The following NOP53 variants were observed in gnomAD, a reference collection of about 807,000 sequenced individuals.
NOP53 encodes the protein NOP53 ribosome biogenesis factor.
Under a neutral mutation model 61.0 loss-of-function variants are expected in NOP53, and 40 were observed. That is an observed-to-expected ratio of 0.66 (90% CI 0.51 to 0.85). The LOEUF is 0.85. NOP53 is among the 40% of genes least tolerant of loss of function. The pLI is 0.00. For synonymous variants in NOP53, 308 were observed against 289.5 expected (o/e 1.06, Z -0.65); for missense variants, 689 against 652.9 (o/e 1.06, Z -0.60).
intron 10 of NOP53, 63 bp downstream of exon 10, chr19:47,755,885 G>C (rs1445164519): frequency 7.1e-7 from 1 of 1,405,420 alleles, no homozygotes; most frequent in South Asian, 1.2e-5. Context: ...TGCTCCCCGT[G>C]CCCCCCAGGG....
chr19:47,754,839 C>T lies in NOP53; in HGVS notation c.1001C>T (p.Thr334Ile), dbSNP rs1416331078. 1.3e-6 allele frequency: 2 copies of T among 1,542,908 alleles called. No individual in the cohort carries two copies. Among genetic ancestry groups the T allele is most frequent in the South Asian group, 1.2e-5 (1 of 82,666 alleles). The part of the protein sequence containing the change: ...VCPTPARLAT[T>I]EKKTEQQRRR... ...CCCACGCCCGCCCGCCTGGCCACCACAGAGAAGAAGACGGAGCAGCAGCGG... is the reference window on the plus strand; with the variant it reads ...CCCACGCCCGCCCGCCTGGCCACCATAGAGAAGAAGACGGAGCAGCAGCGG... Residue 334 changes from threonine (T) to isoleucine (I), a missense_variant, in exon 8 of 13, where the codon ACA (threonine) becomes ATA (isoleucine). By Grantham distance (89) the Thr-to-Ile change is moderately conservative. Coordinates refer to ENST00000246802, the MANE Select transcript of NOP53 (RefSeq NM_015710.5). This position sits in a 1 kb window ranked among gnomAD's most constrained non-coding sequence, Gnocchi z 4.2.
At chr19:47,756,807 AG>A in intron 12 of NOP53, 63 bp downstream of exon 12, 1 of 1,569,484 alleles carries the variant, frequency 6.4e-7, no homozygotes, top group Non-Finnish European at 8.8e-7. Flanking sequence ...GTGCCCACCG[AG>A]TCCCAGGGCC....
At position 47,751,536 on chromosome 19, in the gene NOP53, G is replaced by C; in HGVS notation, c.615G>C (p.Pro205=). ...TATCCACAGACCCCCTGGACAGGCC[G>C]TTGGTTGGCCAGGATGAGTTTTTCC... The part of the protein sequence containing the change: ...LWASDNPLDR[P]LVGQDEFFLE... The change falls in exon 5 of 13, where the codon CCG becomes CCC. Residue 205 remains proline, a synonymous_variant. Transcript: ENST00000246802. The C allele has an allele frequency of 1.9e-6, 3 of 1,613,870 alleles. No homozygotes were observed. Among genetic ancestry groups the C allele is most frequent in the Non-Finnish European group, 2.5e-6 (3 of 1,179,862 alleles).
At chr19:47,748,467 G>GC in intron 2 of NOP53, among the ~76,000 whole-genome samples, 1 of 152,254 alleles carries the variant, frequency 6.6e-6, no homozygotes, top group East Asian at 1.9e-4. Context: ...GCTTTAATGA[G>GC]CAAGAGAGTG....
intron 2 of NOP53, among the ~76,000 whole-genome samples, chr19:47,747,777 CTCTTTTTT>C (rs1298897822): frequency 2.5e-5 from 3 of 120,518 alleles, no homozygotes; most frequent in Non-Finnish European, 4.9e-5. Context: ...TTTTCTCTCT[CTCTTTTTT>C]TTTTTTTTTT....
chr19:47,751,453 G>A (rs58520435), intron 4 of NOP53, 67 bp from the exon 5 acceptor site: 18 of 1,229,554 alleles, frequency 1.5e-5, no homozygotes, highest in Admixed American at 5.2e-5. Context: ...GGAGGGATTG[G>A]GGGGGAGCCT....
rs780879331 is a variant in NOP53 at position 47,757,028 on chromosome 19, C to T, written c.*23C>T. 3.3e-5 allele frequency: 54 copies of T among 1,612,834 alleles called. No individual in the cohort carries two copies. The highest frequency in any genetic ancestry group is 8.3e-5 in the Admixed American group (5 of 59,902). On this transcript the variant is annotated 3_prime_UTR_variant, in exon 13 of 13. Transcript: ENST00000246802. ...TAGCTGCCATCAGATGCCGGAGACT[C>T]GCCCTTCAATAAAAAATCTCTTCTA... is the stretch of plus-strand genomic sequence containing the variant.
intron 10 of NOP53, chr19:47,756,317 C>T (rs1967197292): frequency 1.7e-6 from 1 of 592,902 alleles, no homozygotes; most frequent in Non-Finnish European, 3.0e-6. Context: ...TCCCGTGACT[C>T]CTCTAAGCCC....
chr19:47,753,097 G>A, intron 6 of NOP53: 1 of 158,708 alleles, frequency 6.3e-6, no homozygotes. Flanking sequence ...TGGAGCCACT[G>A]TGCATTTAGC....
intron 4 of NOP53, 92 bp downstream of exon 4, chr19:47,751,199 G>A: frequency 1.6e-6 from 2 of 1,241,022 alleles, no homozygotes; most frequent in Non-Finnish European, 2.3e-6. Context: ...CAGTGTGAAA[G>A]GGAGTGCTTT....
Position 47,747,038 on chromosome 19 carries a change from A to C in NOP53, c.289+7A>C. The C allele has an allele frequency of 6.2e-7, 1 of 1,612,064 alleles. No homozygotes were observed. The highest frequency in any genetic ancestry group is 1.1e-5 in the South Asian group (1 of 91,026). On this transcript the variant is annotated splice_region_variant and intron_variant, in intron 2 of 12. Transcript: ENST00000246802. Reference sequence around the variant, plus strand: ...ACTGGCTCCAAGGAAAAAGGTGAGGAGAGGCTTTTGTGGTGTGGAATGGCG... The same window carrying C: ...ACTGGCTCCAAGGAAAAAGGTGAGGCGAGGCTTTTGTGGTGTGGAATGGCG...
At position 47,755,840 on chromosome 19, in the gene NOP53, C is replaced by T; in HGVS notation, c.1296+18C>T. On this transcript the variant is annotated intron_variant, in intron 10 of 12. Coordinates refer to ENST00000246802, the MANE Select transcript of NOP53 (RefSeq NM_015710.5). Reference sequence around the variant, plus strand: ...CCCTGAAGGTGCTCACTGTGTCCTGCCGTGGAGCCCCGTGCCCAGTGATGA... The same window carrying T: ...CCCTGAAGGTGCTCACTGTGTCCTGTCGTGGAGCCCCGTGCCCAGTGATGA... 1.3e-6 allele frequency: 2 copies of T among 1,585,390 alleles called. No individual in the cohort carries two copies. Among genetic ancestry groups the T allele is most frequent in the Non-Finnish European group, 8.6e-7 (1 of 1,158,952 alleles).
chr19:47,746,763 A>G, intron 1 of NOP53: 2 of 467,336 alleles, frequency 4.3e-6, no homozygotes, highest in South Asian at 5.3e-5. Context: ...TGGGCCTCCC[A>G]AAGTGCTGGG....
chr19:47,755,556 TG>T (rs1599921344), intron 9 of NOP53, 33 bp downstream of exon 9: 2 of 1,459,704 alleles, frequency 1.4e-6, no homozygotes, highest in East Asian at 2.5e-5. Context: ...TGGGAGAGGC[TG>T]GGGAGGGGGC....
In NOP53 at chr19:47,753,603, G is replaced by A. The variant is rs1967150509; in HGVS notation, c.766-924G>A. 2.0e-5 allele frequency: 3 copies of A among 152,284 alleles called. No individual in the cohort carries two copies. The South Asian group carries it at 6.2e-4, about 32-fold the overall frequency. The allele number at this position is 152,284 out of a possible 1,614,324, so 9.4% of individuals were successfully genotyped here. A position where few individuals can be genotyped will look rare whatever the true frequency, so the allele number is the denominator to read the frequency against. ...AGGAACAGAGGCAGCTTCCTCATCT[G>A]GTAGAGAAAAGTGTCTGCGGAAAAA... On this transcript the variant is annotated intron_variant, in intron 6 of 12. Transcript: ENST00000246802.
At chr19:47,752,708 AGCCCTGG>A (rs1359716586) in intron 6 of NOP53, 101 bp downstream of exon 6, 4 of 771,360 alleles carry the variant, frequency 5.2e-6, no homozygotes, top group Middle Eastern at 2.3e-4. Flanking sequence ...TGACCCAGAC[AGCCCTGG>A]GCCTGTCCGC....
rs1162747523 is a variant in NOP53, at chr19:47,746,935, T to G, written c.225-32T>G. ...TTAAATCTCTTTCCTCTCCAACATC[T>G]CTGGCTGATGTTCTGCATTTCTGTC... On this transcript the variant is annotated intron_variant, in intron 1 of 12. Transcript: ENST00000246802. 1.9e-6 allele frequency: 3 copies of G among 1,584,710 alleles called. No individual in the cohort carries two copies. The South Asian group carries it at 3.3e-5, about 18-fold the overall frequency.
chr19:47,755,947 C>A, intron 10 of NOP53, 125 bp downstream of exon 10: 1 of 736,926 alleles, frequency 1.4e-6, no homozygotes, highest in Non-Finnish European at 2.3e-6. Flanking sequence ...GGGCCAATGC[C>A]CAGGGGCTGA....
Position 47,754,426 on chromosome 19 carries a change from G to A in NOP53, c.766-101G>A. On this transcript the variant is annotated intron_variant, in intron 6 of 12. Coordinates refer to ENST00000246802, the MANE Select transcript of NOP53 (RefSeq NM_015710.5). The surrounding 1 kb of genome is among the most constrained non-coding windows in gnomAD (Gnocchi z 4.2). ...GGGGAGGAAAGCCTGGGCCGGGGCG[G>A]GATCCACGGGCACTGGATGAGGGAC... 4.4e-6 allele frequency: 4 copies of A among 917,676 alleles called. No homozygotes were observed. The highest frequency in any genetic ancestry group is 6.8e-6 in the Non-Finnish European group (4 of 584,908). The allele number at this position is 917,676 out of a possible 1,614,324, so 56.8% of individuals were successfully genotyped here.
Sources: allele counts gnomAD v4.1 joint callset (sites outside exome capture counted in the v4.1 genomes callset), GRCh38; gene constraint gnomAD v4.1.1; non-coding constraint Gnocchi (gnomAD v3.1); transcripts MANE v1.5; gene names NCBI Gene and HGNC (gene_info 2026-07-23, HGNC 2026-07-21).